Variants in PSD3 observed in about 807,000 individuals in gnomAD.
PSD3 encodes the protein PH and SEC7 domain-containing protein 3.
In PSD3, 49 loss-of-function variants were observed where a neutral mutation model predicts 105.5. That is an observed-to-expected ratio of 0.46 (90% CI 0.37 to 0.59). The LOEUF is 0.59. Ranked by LOEUF, PSD3 falls within the 20% of genes least tolerant of loss-of-function variation. The pLI is 0.00. For synonymous variants in PSD3, 557 were observed against 457.8 expected (o/e 1.22, Z -2.77); for missense variants, 1,561 against 1,263.8 (o/e 1.24, Z -3.57).
At chr8:18,841,262 G>A (rs1814600903) in intron 4 of PSD3, among the ~76,000 whole-genome samples, 1 of 152,086 alleles carries the variant, frequency 6.6e-6, no homozygotes, top group South Asian at 2.1e-4. Context: ...TGCATGCTCA[G>A]GCACTGCGTG....
At chr8:19,068,632 C>A (rs1829154713) in intron 1 of PSD3, among the ~76,000 whole-genome samples, 1 of 152,084 alleles carries the variant, frequency 6.6e-6, no homozygotes, top group Non-Finnish European at 1.5e-5. Flanking sequence ...GGACAAAGAA[C>A]TGACACGTCC....
intron 2 of PSD3, among the ~76,000 whole-genome samples, chr8:18,919,574 G>A (rs889201871): frequency 6.6e-6 from 1 of 151,944 alleles, no homozygotes; most frequent in Non-Finnish European, 1.5e-5. Flanking sequence ...GGCTTGCAAG[G>A]TGGGGCGGGG....
chr8:18,655,894 CAA>C (rs1257849249), intron 9 of PSD3, among the ~76,000 whole-genome samples: 1 of 152,118 alleles, frequency 6.6e-6, no homozygotes, highest in East Asian at 1.9e-4. Context: ...GAAACTTTCA[CAA>C]AGTTATAACT....
At chr8:18,806,745 C>A (rs955569841) in intron 4 of PSD3, among the ~76,000 whole-genome samples, 3 of 152,312 alleles carry the variant, frequency 2.0e-5, no homozygotes, top group African/African-American at 7.2e-5. Context: ...TCTGCCCTTG[C>A]TCTATCCCAT....
At chr8:18,746,641 T>C (rs1805053052) in intron 9 of PSD3, among the ~76,000 whole-genome samples, 1 of 152,192 alleles carries the variant, frequency 6.6e-6, no homozygotes, top group Non-Finnish European at 1.5e-5. Flanking sequence ...TGGAGTACAG[T>C]GTTTGTGTAC....
chr8:18,685,545 T>C (rs985163664), intron 9 of PSD3, among the ~76,000 whole-genome samples: 3 of 152,178 alleles, frequency 2.0e-5, no homozygotes, highest in African/African-American at 4.8e-5. Flanking sequence ...ATTTTTGGAA[T>C]AGGTTTTGGA....
chr8:18,695,500 T>C (rs1801208862), intron 9 of PSD3, among the ~76,000 whole-genome samples: 1 of 152,224 alleles, frequency 6.6e-6, no homozygotes, highest in Middle Eastern at 3.2e-3. Context: ...AACTTTGATC[T>C]ATTCCCCCTT....
intron 15 of PSD3, among the ~76,000 whole-genome samples, chr8:18,544,604 TG>T (rs1306988684): frequency 1.3e-5 from 2 of 152,202 alleles, no homozygotes; most frequent in Non-Finnish European, 2.9e-5. Flanking sequence ...TCTCCCTTTC[TG>T]CCCTATTGCT....
At chr8:18,740,904 C>G (rs1002206270) in intron 9 of PSD3, among the ~76,000 whole-genome samples, 2 of 152,206 alleles carry the variant, frequency 1.3e-5, no homozygotes, top group Admixed American at 1.3e-4. Flanking sequence ...TTCCCAGTGA[C>G]TTCCGGCTTT....
At chr8:18,923,975 A>G (rs759010231) in intron 2 of PSD3, among the ~76,000 whole-genome samples, 35 of 151,904 alleles carry the variant, frequency 2.3e-4, no homozygotes, top group Admixed American at 9.2e-4. Flanking sequence ...AGACAAAAAC[A>G]CTGAACAGAC....
At chr8:18,682,399 G>A (rs955708481) in intron 9 of PSD3, among the ~76,000 whole-genome samples, 5 of 152,186 alleles carry the variant, frequency 3.3e-5, no homozygotes, top group Non-Finnish European at 7.3e-5. Context: ...TTAAGAATAT[G>A]ATAAACCATT....
intron 14 of PSD3, among the ~76,000 whole-genome samples, chr8:18,562,836 C>G (rs1382572898): frequency 6.6e-6 from 1 of 151,918 alleles, no homozygotes; most frequent in Non-Finnish European, 1.5e-5. Context: ...TTGCAGGGAG[C>G]CGAGATCATG....
At chr8:18,790,262 C>A (rs1809572946) in intron 8 of PSD3, among the ~76,000 whole-genome samples, 1 of 150,838 alleles carries the variant, frequency 6.6e-6, no homozygotes, top group Non-Finnish European at 1.5e-5. Context: ...TTTCAATTTA[C>A]AATTCATCAT....
intron 9 of PSD3, among the ~76,000 whole-genome samples, chr8:18,705,345 T>C (rs1405060319): frequency 1.3e-5 from 2 of 151,958 alleles, no homozygotes; most frequent in Non-Finnish European, 2.9e-5. Flanking sequence ...CAGGGCAACA[T>C]GGCTTAAGAC....
At chr8:19,033,393 CT>C (rs1377642483) in intron 1 of PSD3, among the ~76,000 whole-genome samples, 4 of 151,910 alleles carry the variant, frequency 2.6e-5, no homozygotes, top group African/African-American at 9.7e-5. Context: ...TTTCTTTTGT[CT>C]TTTACTACCT....
chr8:18,617,808 A>G (rs897834025), intron 11 of PSD3, among the ~76,000 whole-genome samples: 4 of 152,154 alleles, frequency 2.6e-5, no homozygotes, highest in African/African-American at 7.2e-5. Flanking sequence ...TAAGATACCA[A>G]TTTCAACCTG....
At chr8:18,948,166 G>A (rs897679335) in intron 1 of PSD3, among the ~76,000 whole-genome samples, 2 of 152,100 alleles carry the variant, frequency 1.3e-5, no homozygotes, top group African/African-American at 4.8e-5. Context: ...ACCTATTCCT[G>A]ACCTTTTTTG....
At chr8:19,074,041 C>CG (rs1487437717) in intron 1 of PSD3, among the ~76,000 whole-genome samples, 1 of 152,074 alleles carries the variant, frequency 6.6e-6, no homozygotes, top group Non-Finnish European at 1.5e-5. Flanking sequence ...CCGCCCACCT[C>CG]GCCCTCCCAA....
Position 18,542,709 on chromosome 8 carries a change from C to T in PSD3, c.2929-6751G>A, listed in dbSNP as rs150658742. Among the ~76,000 whole-genome samples the T allele has an allele frequency of 4.7e-3, 710 of 152,270 alleles. 5 individuals carry two copies. The highest frequency in any genetic ancestry group is 0.017 in the African/African-American group (687 of 41,554). On this transcript the variant is annotated intron_variant, in intron 15 of 15. Transcript: ENST00000327040. ...TTGCAGTCAAGTAGCCTGTTGTTGA[C>T]AATGCCTCTAACTAATAAGACTGGC...
Sources: allele counts gnomAD v4.1 joint callset (sites outside exome capture counted in the v4.1 genomes callset), GRCh38; gene constraint gnomAD v4.1.1; transcripts MANE v1.5; gene names NCBI Gene and HGNC (gene_info 2026-07-23, HGNC 2026-07-21).